The following SYNE1 variants were observed in gnomAD, a reference collection of about 807,000 sequenced individuals.
The protein encoded by SYNE1 is nesprin-1.
In SYNE1, 616 loss-of-function variants were observed where a neutral mutation model predicts 1,111.0. That is an observed-to-expected ratio of 0.55 (90% CI 0.52 to 0.59). The LOEUF is 0.59. Among genes scored for constraint, SYNE1 ranks in the 20% least tolerant of loss-of-function variants. The pLI is 0.00. For synonymous variants in SYNE1, 3,855 were observed against 3,825.8 expected (o/e 1.01, Z -0.28); for missense variants, 10,006 against 10,417.0 (o/e 0.96, Z 1.72).
At chr6:152,453,371 G>T in intron 25 of SYNE1, 1 of 682,106 alleles carries the variant, frequency 1.5e-6, no homozygotes, top group Middle Eastern at 3.9e-4. Flanking sequence ...TCGAGTAATA[G>T]GATAAAATTG....
At position 152,373,157 on chromosome 6, in the gene SYNE1, T is replaced by C. The variant is rs758675348; in HGVS notation, c.9387A>G (p.Glu3129=). ...HKLNMMLSKG[E]LLSTLLTKEK... ...CTTTGGTCAGCAGGGTACTCAGAAG[T>C]TCCCCTTTAGACAGCATCATGTTTA... Residue 3129 remains glutamate (E), a synonymous_variant, in exon 59 of 146, where the codon GAA becomes GAG. Transcript: ENST00000367255. 6.2e-7 allele frequency: 1 copy of C among 1,614,088 alleles called. No homozygotes were observed. The highest frequency in any genetic ancestry group is 8.5e-7 in the Non-Finnish European group (1 of 1,180,032).
intron 130 of SYNE1, chr6:152,168,029 G>A: frequency 1.3e-6 from 1 of 780,278 alleles, no homozygotes; most frequent in Non-Finnish European, 2.4e-6. Flanking sequence ...AACAGTTCTG[G>A]ATTAAGGCTT....
chr6:152,601,295 A>G (rs2099595398), intron 3 of SYNE1, among the ~76,000 whole-genome samples: 1 of 152,246 alleles, frequency 6.6e-6, no homozygotes, highest in Non-Finnish European at 1.5e-5. Context: ...TGTCAAGGCC[A>G]TGATCAATAG....
At chr6:152,287,929 A>G (rs934609284) in intron 95 of SYNE1, among the ~76,000 whole-genome samples, 1 of 152,246 alleles carries the variant, frequency 6.6e-6, no homozygotes, top group African/African-American at 2.4e-5. Flanking sequence ...ATGAATTTAC[A>G]GACTGATATT....
At chr6:152,325,909 A>G in intron 80 of SYNE1, 49 bp downstream of exon 80, 1 of 1,606,996 alleles carries the variant, frequency 6.2e-7, no homozygotes, top group Non-Finnish European at 8.5e-7. Flanking sequence ...GCAAAGACTC[A>G]TTATAATTAT....
Position 152,256,715 on chromosome 6 carries a change from C to T in SYNE1, c.19023G>A (p.Gly6341=). ...RLLSGVPLYK[G]DVPTQDKSAV... is the part of the protein sequence containing the mutation. ...CAGATTTATCTTGGGTTGGCACGTC[C>T]CCTTTGTACAGTGGCACACCAGACA... Residue 6341 remains glycine (G), a synonymous_variant, in exon 102 of 146, where the codon GGG becomes GGA. Transcript: ENST00000367255. 1 of 1,614,060 alleles carries T rather than the reference C, an allele frequency of 6.2e-7. No homozygotes were observed. Among genetic ancestry groups the T allele is most frequent in the Non-Finnish European group, 8.5e-7 (1 of 1,179,968 alleles).
intron 99 of SYNE1, among the ~76,000 whole-genome samples, chr6:152,268,531 AG>A (rs1478371057): frequency 2.0e-5 from 3 of 152,302 alleles, no homozygotes; most frequent in African/African-American, 7.2e-5. Context: ...TGGCTTTTTA[AG>A]TTCTCCACTT....
chr6:152,238,572 G>A (rs1588472686), intron 108 of SYNE1, among the ~76,000 whole-genome samples: 1 of 152,122 alleles, frequency 6.6e-6, no homozygotes, highest in South Asian at 2.1e-4. Context: ...TGTTGGCCCA[G>A]GGAAAATCCC....
intron 3 of SYNE1, among the ~76,000 whole-genome samples, chr6:152,586,995 T>C (rs2099541719): frequency 6.6e-6 from 1 of 152,166 alleles, no homozygotes; most frequent in African/African-American, 2.4e-5. Context: ...TCTCCACATC[T>C]ACAATGGCTT....
At chr6:152,362,023 G>C in intron 64 of SYNE1, 147 bp downstream of exon 64, 1 of 1,081,500 alleles carries the variant, frequency 9.2e-7, no homozygotes, top group Non-Finnish European at 1.3e-6. Context: ...TCCAGTTTAA[G>C]AAGCCTTTAG....
chr6:152,361,246 C>T (rs1470780444), intron 64 of SYNE1, among the ~76,000 whole-genome samples: 1 of 152,162 alleles, frequency 6.6e-6, no homozygotes, highest in Non-Finnish European at 1.5e-5. Context: ...AGGCTGGGAG[C>T]ATGAAGGAAA....
At chr6:152,314,632 C>T (rs1309530036) in intron 87 of SYNE1, among the ~76,000 whole-genome samples, 1 of 152,070 alleles carries the variant, frequency 6.6e-6, no homozygotes, top group Non-Finnish European at 1.5e-5. Context: ...CCCTAAATGC[C>T]TAACCAAAGT....
chr6:152,256,725 A>G lies in SYNE1; in HGVS notation c.19013T>C (p.Leu6338Pro), dbSNP rs763833216. Residue 6338 changes from leucine (L) to proline (P), a missense_variant, in exon 102 of 146, where the codon CTG (leucine) becomes CCG (proline). By Grantham distance (98) the Leu-to-Pro change is moderately conservative (BLOSUM62 -3). This residue lies in a region of SYNE1 where 2,182 missense variants were observed against 2,287.8 expected (regional missense o/e 0.95). Transcript: ENST00000367255. ...RPNRLLSGVP[L>P]YKGDVPTQDK... ...TTGGGTTGGCACGTCCCCTTTGTAC[A>G]GTGGCACACCAGACAAGAGTCGATT... is the stretch of plus-strand genomic sequence containing the variant. The G allele has an allele frequency of 6.2e-7, 1 of 1,614,064 alleles. No homozygotes were observed.
chr6:152,264,206 CAAAAAAAAA>C (rs56714685), intron 100 of SYNE1, among the ~76,000 whole-genome samples: 5 of 45,904 alleles, frequency 1.1e-4, no homozygotes, highest in South Asian at 2.6e-3. Flanking sequence ...GACTCCATCT[CAAAAAAAAA>C]AAAAAAAAAA....
chr6:152,300,600 G>T (rs2095116279), intron 93 of SYNE1, 41 bp downstream of exon 93: 2 of 1,613,334 alleles, frequency 1.2e-6, no homozygotes, highest in South Asian at 2.2e-5. Context: ...TCCTGCATCT[G>T]CCCAGAGATT....
chr6:152,354,359 C>A (rs565441471), intron 67 of SYNE1, among the ~76,000 whole-genome samples: 1 of 152,260 alleles, frequency 6.6e-6, no homozygotes, highest in South Asian at 2.1e-4. Flanking sequence ...AATTTCATAT[C>A]AGAACCATAA....
chr6:152,403,584 T>C (rs868184921), intron 46 of SYNE1, among the ~76,000 whole-genome samples: 4 of 152,000 alleles, frequency 2.6e-5, no homozygotes, highest in South Asian at 2.1e-4. Context: ...TAGCCTGCCA[T>C]GGTGGCACGT....
intron 129 of SYNE1, 83 bp downstream of exon 129, chr6:152,180,053 G>T: frequency 2.1e-6 from 3 of 1,445,594 alleles, no homozygotes; most frequent in South Asian, 1.2e-5. Flanking sequence ...AAGTAATTGT[G>T]AGTAAAGCCA....
chr6:152,506,227 A>G (rs1050472600), intron 8 of SYNE1, among the ~76,000 whole-genome samples: 2 of 152,182 alleles, frequency 1.3e-5, no homozygotes, highest in African/African-American at 4.8e-5. Flanking sequence ...TCCTACATGT[A>G]ACTTATCAAT....
Sources: allele counts gnomAD v4.1 joint callset (sites outside exome capture counted in the v4.1 genomes callset), GRCh38; gene constraint gnomAD v4.1.1; regional missense constraint gnomAD v4.1.1; transcripts MANE v1.5; gene names NCBI Gene and HGNC (gene_info 2026-07-23, HGNC 2026-07-21).